Variants in DGLUCY observed in about 807,000 individuals in gnomAD.
The protein encoded by DGLUCY is D-glutamate cyclase.
Under a neutral mutation model 58.5 loss-of-function variants are expected in DGLUCY, and 58 were observed. The observed-to-expected ratio is 0.99, with a 90% confidence interval of 0.80 to 1.23. The LOEUF (loss-of-function observed/expected upper bound fraction) is 1.23, where lower values mean the gene tolerates loss of function less well. Among genes scored for constraint, DGLUCY ranks in the 50% most tolerant of loss-of-function variants. The pLI is 0.00. For missense variants in DGLUCY, 779 were observed against 784.7 expected, an observed-to-expected ratio of 0.99 and a Z score of 0.09; for synonymous variants, 325 against 314.1, an observed-to-expected ratio of 1.03 and a Z score of -0.37.
intron 3 of DGLUCY, among the ~76,000 whole-genome samples, chr14:91,164,805 C>T (rs986068547): frequency 6.6e-6 from 1 of 152,246 alleles, no homozygotes; most frequent in Admixed American, 6.5e-5. Context: ...CAGCACAGCA[C>T]TGGGTCTTGC....
intron 1 of DGLUCY, among the ~76,000 whole-genome samples, chr14:91,087,810 A>G (rs1172152592): frequency 3.9e-5 from 6 of 152,194 alleles, no homozygotes; most frequent in Admixed American, 2.6e-4. Context: ...TGACAAAACT[A>G]CTGGCAAGTG....
At chr14:91,135,653 T>TAA (rs60532081) in intron 1 of DGLUCY, among the ~76,000 whole-genome samples, 67,641 of 99,776 alleles carry the variant, frequency 0.68, 23,422 homozygotes, top group East Asian at 0.98. Context: ...TCTGCCTCAT[T>TAA]AAAAAAAAAA....
chr14:91,173,912 C>T (rs987728851), intron 6 of DGLUCY, among the ~76,000 whole-genome samples: 1 of 151,886 alleles, frequency 6.6e-6, no homozygotes, highest in Non-Finnish European at 1.5e-5. Flanking sequence ...ATTCCTGGCT[C>T]ATAACTCCTA....
intron 9 of DGLUCY, among the ~76,000 whole-genome samples, chr14:91,194,604 G>A (rs375934148): frequency 2.0e-5 from 3 of 151,076 alleles, no homozygotes; most frequent in African/African-American, 7.3e-5. Flanking sequence ...GCAGTGGCGC[G>A]ATCTTGGCTC....
chr14:91,095,288 G>A (rs1446691897), intron 1 of DGLUCY, among the ~76,000 whole-genome samples: 2 of 152,204 alleles, frequency 1.3e-5, no homozygotes, highest in African/African-American at 2.4e-5. Context: ...TAGGAGTCAT[G>A]GTTGGGATAT....
chr14:91,220,880 G>T, intron 13 of DGLUCY: 1 of 354,960 alleles, frequency 2.8e-6, no homozygotes. Context: ...CACTCCCTGG[G>T]AGTGGGCAAG....
At chr14:91,166,067 G>A (rs1414634363) in intron 3 of DGLUCY, among the ~76,000 whole-genome samples, 2 of 152,222 alleles carry the variant, frequency 1.3e-5, no homozygotes, top group African/African-American at 4.8e-5. Flanking sequence ...AGTGAGAGAA[G>A]CTAGACTTAA....
chr14:91,165,578 A>G (rs1173435385), intron 3 of DGLUCY, among the ~76,000 whole-genome samples: 1 of 152,200 alleles, frequency 6.6e-6, no homozygotes, highest in Non-Finnish European at 1.5e-5. Context: ...CTCAGGCAAG[A>G]ATCTGCCCCC....
chr14:91,140,099 C>T (rs2046569179), intron 1 of DGLUCY, among the ~76,000 whole-genome samples: 2 of 152,244 alleles, frequency 1.3e-5, no homozygotes, highest in Admixed American at 6.5e-5. Context: ...CAGATTCTTG[C>T]ATGACTCAGC....
chr14:91,202,845 C>T (rs966677029), intron 11 of DGLUCY, among the ~76,000 whole-genome samples: 2 of 151,710 alleles, frequency 1.3e-5, no homozygotes, highest in Non-Finnish European at 2.9e-5. Flanking sequence ...CCCTTGGGCC[C>T]TTCTCACGGC....
intron 3 of DGLUCY, among the ~76,000 whole-genome samples, chr14:91,164,813 T>C (rs2048185271): frequency 1.3e-5 from 2 of 152,236 alleles, no homozygotes; most frequent in South Asian, 4.1e-4. Flanking sequence ...CACTGGGTCT[T>C]GCCCAAGTCC....
At position 91,181,234 on chromosome 14, in the gene DGLUCY, A is replaced by C. The variant is rs1215766149; in HGVS notation, c.779A>C (p.Asp260Ala). The C allele has an allele frequency of 1.2e-6, 2 of 1,614,178 alleles. No individual in the cohort carries two copies. Among genetic ancestry groups the C allele is most frequent in the Non-Finnish European group, 1.7e-6 (2 of 1,180,034 alleles). ...ASIPGCTVMT[D>A]LKDAKAPPGC... ...ATCCCAGGCTGCACAGTTATGACTG[A>C]CCTGAAGGATGCAAAGGCTCCACCT... is the stretch of plus-strand genomic sequence containing the variant. The change falls in exon 8 of 14, where the codon GAC becomes GCC. Residue 260 changes from aspartate to alanine, a missense_variant. Transcript: ENST00000256324.
intron 1 of DGLUCY, among the ~76,000 whole-genome samples, chr14:91,095,635 A>C (rs938054237): frequency 5.9e-5 from 9 of 152,204 alleles, no homozygotes; most frequent in Non-Finnish European, 1.0e-4. Flanking sequence ...AGCTATTCCC[A>C]AGGCAAAGAA....
At chr14:91,175,790 T>C (rs193195256) in intron 6 of DGLUCY, 144 bp from the exon 7 acceptor site, 312 of 902,318 alleles carry the variant, frequency 3.5e-4, no homozygotes, top group Non-Finnish European at 1.6e-4. Flanking sequence ...TAATCCCTAT[T>C]CTCCTTCACC....
chr14:91,215,660 C>A, intron 13 of DGLUCY, 104 bp downstream of exon 13: 1 of 1,596,400 alleles, frequency 6.3e-7, no homozygotes, highest in Non-Finnish European at 8.5e-7. Flanking sequence ...ACCCTGCTGC[C>A]CCTCAAAAGC....
intron 1 of DGLUCY, among the ~76,000 whole-genome samples, chr14:91,122,253 C>A (rs2045414405): frequency 6.6e-6 from 1 of 151,896 alleles, no homozygotes; most frequent in Non-Finnish European, 1.5e-5. Flanking sequence ...CAGCCTTGAC[C>A]TCCCGGGCTC....
chr14:91,195,918 C>G (rs1313519926), intron 9 of DGLUCY, among the ~76,000 whole-genome samples: 1 of 152,114 alleles, frequency 6.6e-6, no homozygotes, highest in Non-Finnish European at 1.5e-5. Context: ...GATCCGCCCA[C>G]CTTGGCCTCC....
chr14:91,197,348 A>T (rs1034599067), intron 10 of DGLUCY, among the ~76,000 whole-genome samples: 5 of 151,978 alleles, frequency 3.3e-5, no homozygotes, highest in African/African-American at 1.2e-4. Flanking sequence ...CAGGTGATCC[A>T]CCTGTCTCAG....
chr14:91,115,919 A>C (rs1373151929), intron 1 of DGLUCY, among the ~76,000 whole-genome samples: 1 of 152,210 alleles, frequency 6.6e-6, no homozygotes, highest in Non-Finnish European at 1.5e-5. Context: ...CCTCTCCTGC[A>C]CTGAGCTTTG....
Sources: gnomAD v4.1 joint callset for allele counts (sites outside exome capture counted in the v4.1 genomes callset) on GRCh38, gnomAD v4.1.1 for gene constraint, MANE v1.5 for transcripts, NCBI Gene and HGNC (gene_info 2026-07-23, HGNC 2026-07-21) for gene names.